TEK: variants seen among roughly 807,000 people sequenced by gnomAD.
TEK encodes angiopoietin-1 receptor.
Under a neutral mutation model 131.8 loss-of-function variants are expected in TEK, and 43 were observed. That is an observed-to-expected ratio of 0.33 (90% CI 0.26 to 0.42). The LOEUF (loss-of-function observed/expected upper bound fraction) is 0.42, where lower values mean the gene tolerates loss of function less well. Ranked by LOEUF, TEK falls within the 10% of genes least tolerant of loss-of-function variation. TEK has a pLI of 1.00. For missense variants in TEK, 1,162 were observed against 1,384.4 expected, an observed-to-expected ratio of 0.84 and a Z score of 2.55; for synonymous variants, 580 against 491.6, an observed-to-expected ratio of 1.18 and a Z score of -2.38.
At chr9:27,195,616 A>C in intron 11 of TEK, 1 of 455,764 alleles carries the variant, frequency 2.2e-6, no homozygotes, top group African/African-American at 2.0e-5. Flanking sequence ...CATATCTGGA[A>C]TTTAAAAATC....
chr9:27,199,515 A>G (rs971865237), intron 12 of TEK, among the ~76,000 whole-genome samples: 1 of 152,150 alleles, frequency 6.6e-6, no homozygotes, highest in Non-Finnish European at 1.5e-5. Flanking sequence ...TCCTTTCCCT[A>G]TATCACTCGA....
rs140688621 is a variant in TEK, at chr9:27,204,773, G to A, written c.2210-138G>A. 1,030 of 1,056,290 alleles carry A rather than the reference G, an allele frequency of 9.8e-4. 8 individuals are homozygous for A. In the African/African-American group the frequency reaches 0.013, roughly 13 times the overall value. 65.4% of individuals were successfully genotyped at this position (1,056,290 alleles called of 1,614,324 possible). On this transcript the variant is annotated intron_variant, in intron 13 of 22. Transcript: ENST00000380036. ...AGTTTGGAATATAAATGAGTAGCCC[G>A]AGGTCATATAGTGGTTAGGTGGCAG... is the stretch of plus-strand genomic sequence containing the variant.
intron 1 of TEK, among the ~76,000 whole-genome samples, chr9:27,138,198 A>G (rs1365342647): frequency 6.6e-6 from 1 of 152,206 alleles, no homozygotes; most frequent in East Asian, 1.9e-4. Flanking sequence ...GTGAAGAGCA[A>G]AAGAACAAAG....
rs1404774521 is a variant in TEK, at chr9:27,197,541, C to T, written c.1851C>T (p.Val617=). 15 of 1,613,948 alleles carry T rather than the reference C, an allele frequency of 9.3e-6. No individual in the cohort carries two copies. Among genetic ancestry groups the T allele is most frequent in the Non-Finnish European group, 1.3e-5 (15 of 1,180,004 alleles). Residue 617 remains valine, a synonymous_variant, in exon 12 of 23, where the codon GTC becomes GTT. Transcript: ENST00000380036. The part of the protein sequence containing the change: ...PREQYVVRAR[V]NTKAQGEWSE... ...AGCAGTACGTGGTCCGAGCTAGAGT[C>T]AACACCAAGGCCCAGGGGGAATGGA... is the stretch of plus-strand genomic sequence containing the variant.
In TEK at chr9:27,170,981, G is replaced by A. The variant is rs532208715; in HGVS notation, c.628+1352G>A. 2.1e-4 allele frequency among the ~76,000 whole-genome samples: 32 copies of A among 152,284 alleles called. 2 individuals are homozygous for A. Among genetic ancestry groups the A allele is most frequent in the South Asian group, 1.9e-3 (9 of 4,824 alleles). The stretch of plus-strand genomic sequence containing the variant: ...AAACGTGTCTGCTCTAGGGGGATGA[G>A]TTGGACCTCTTGGGTTAGACTAACA... On this transcript the variant is annotated intron_variant, in intron 4 of 22. Coordinates refer to ENST00000380036, the MANE Select transcript of TEK (RefSeq NM_000459.5).
intron 12 of TEK, among the ~76,000 whole-genome samples, chr9:27,201,564 G>T (rs1825214365): frequency 1.3e-5 from 2 of 152,012 alleles, no homozygotes; most frequent in Admixed American, 6.6e-5. Context: ...TGTGATTTTT[G>T]GATACTGTAC....
At chr9:27,172,830 T>C (rs1824008846) in intron 5 of TEK, 83 bp downstream of exon 5, 22 of 1,574,002 alleles carry the variant, frequency 1.4e-5, no homozygotes, top group Admixed American at 1.8e-5. Context: ...TCGACACAGA[T>C]GGGAATGGAC....
At chr9:27,227,675 C>T (rs767942897) in intron 21 of TEK, among the ~76,000 whole-genome samples, 7 of 152,130 alleles carry the variant, frequency 4.6e-5, no homozygotes, top group African/African-American at 1.4e-4. Flanking sequence ...GGGTTCTACC[C>T]TCATGACCTG....
chr9:27,181,239 G>T (rs1361633553), intron 7 of TEK, among the ~76,000 whole-genome samples: 1 of 152,100 alleles, frequency 6.6e-6, no homozygotes, highest in African/African-American at 2.4e-5. Flanking sequence ...ACAGAGACTA[G>T]TATCTGTATA....
At chr9:27,114,722 A>G (rs1821482523) in intron 1 of TEK, among the ~76,000 whole-genome samples, 1 of 152,204 alleles carries the variant, frequency 6.6e-6, no homozygotes, top group Non-Finnish European at 1.5e-5. Context: ...TAAATGTTTG[A>G]TGTAAATAAA....
chr9:27,221,048 A>C lies in TEK; in HGVS notation c.3200+903A>C, dbSNP rs1826051975. ...TTCTCGCTGCAAGCACAGCAGTATG[A>C]AGTTGACCTGGGGGAGGACGCTCCA... On this transcript the variant is annotated intron_variant, in intron 21 of 22. Coordinates refer to ENST00000380036, the MANE Select transcript of TEK (RefSeq NM_000459.5). 2.0e-5 allele frequency among the ~76,000 whole-genome samples: 3 copies of C among 152,262 alleles called. No individual in the cohort carries two copies. The South Asian group carries it at 6.2e-4, about 32-fold the overall frequency.
rs1008517180 is a variant in TEK at position 27,179,610 on chromosome 9, G to T, written c.902-630G>T. Among the ~76,000 whole-genome samples, 3 of 152,266 alleles carry T rather than the reference G, an allele frequency of 2.0e-5. No homozygotes were observed. The East Asian group carries it at 5.8e-4, about 29-fold the overall frequency. ...TTTTAGCAGGCAATTAACTTGGTAGGATTCAAACCTCAAACTCTCACTGTT... is the reference window on the plus strand; with the variant it reads ...TTTTAGCAGGCAATTAACTTGGTAGTATTCAAACCTCAAACTCTCACTGTT... On this transcript the variant is annotated intron_variant, in intron 6 of 22. Coordinates refer to ENST00000380036, the MANE Select transcript of TEK (RefSeq NM_000459.5).
chr9:27,229,286 G>C lies in TEK; in HGVS notation c.*54G>C. The C allele has an allele frequency of 1.3e-6, 2 of 1,547,770 alleles. No individual in the cohort carries two copies. The highest frequency in any genetic ancestry group is 2.2e-5 in the East Asian group (1 of 44,550). ...CCTTTCACTGGCATGGGAGACCCTT[G>C]ACACCTGCTGAGAAAACATGCCTCT... On this transcript the variant is annotated 3_prime_UTR_variant, in exon 23 of 23. Coordinates refer to ENST00000380036, the MANE Select transcript of TEK (RefSeq NM_000459.5).
At chr9:27,128,197 C>T (rs183709702) in intron 1 of TEK, among the ~76,000 whole-genome samples, 16 of 152,302 alleles carry the variant, frequency 1.1e-4, no homozygotes, top group African/African-American at 3.6e-4. Flanking sequence ...CTGCATATGG[C>T]TAGCCAGTTT....
chr9:27,115,720 C>T (rs138630944), intron 1 of TEK, among the ~76,000 whole-genome samples: 6 of 151,932 alleles, frequency 3.9e-5, no homozygotes, highest in Admixed American at 2.6e-4. Flanking sequence ...GATTTTGAAA[C>T]CAAGATGAAA....
At chr9:27,170,074 C>A (rs1823892879) in intron 4 of TEK, among the ~76,000 whole-genome samples, 1 of 152,170 alleles carries the variant, frequency 6.6e-6, no homozygotes, top group African/African-American at 2.4e-5. Flanking sequence ...ACACATCCTT[C>A]TTCACATGGC....
At chr9:27,162,591 A>C (rs571530084) in intron 2 of TEK, among the ~76,000 whole-genome samples, 1 of 152,346 alleles carries the variant, frequency 6.6e-6, no homozygotes, top group South Asian at 2.1e-4. Flanking sequence ...TCCCAAACAT[A>C]ATTTACGAAG....
chr9:27,125,212 A>G (rs1051382577), intron 1 of TEK, among the ~76,000 whole-genome samples: 3 of 152,264 alleles, frequency 2.0e-5, no homozygotes, highest in Admixed American at 6.5e-5. Context: ...AGCCACATTC[A>G]GAAGCCTGTA....
At chr9:27,142,625 T>G (rs1268733808) in intron 1 of TEK, among the ~76,000 whole-genome samples, 1 of 152,158 alleles carries the variant, frequency 6.6e-6, no homozygotes, top group Non-Finnish European at 1.5e-5. Context: ...GTCCAGAGAG[T>G]ACTCGTGTTT....
Sources: allele counts gnomAD v4.1 joint callset (sites outside exome capture counted in the v4.1 genomes callset), GRCh38; gene constraint gnomAD v4.1.1; transcripts MANE v1.5; gene names NCBI Gene and HGNC (gene_info 2026-07-23, HGNC 2026-07-21).